XKR5: variants seen among roughly 807,000 people sequenced by gnomAD.
The protein encoded by XKR5 is XK-related protein 5.
XKR5 carries 46 observed loss-of-function variants against 40.8 expected under a neutral mutation model. The ratio of observed to expected loss-of-function variants is 1.13; its 90% CI spans 0.89 to 1.44. XKR5 has a LOEUF of 1.44. Among genes scored for constraint, XKR5 ranks in the 40% most tolerant of loss-of-function variants. XKR5 has a pLI of 0.00. For synonymous variants in XKR5, 466 were observed against 356.1 expected, an observed-to-expected ratio of 1.31 and a Z score of -3.48; for missense variants, 1,169 against 844.7, an observed-to-expected ratio of 1.38 and a Z score of -4.76.
At chr8:6,829,006 G>A (rs547686347) in intron 2 of XKR5, among the ~76,000 whole-genome samples, 8 of 152,244 alleles carry the variant, frequency 5.3e-5, no homozygotes, top group African/African-American at 1.2e-4. Flanking sequence ...TTGCTGTGTC[G>A]GAAACGCCTG....
chr8:6,811,797 C>G lies in XKR5; in HGVS notation c.1462G>C (p.Val488Leu), dbSNP rs1297564544. ...TCCTGCTGATCGCTGGCAAAAGATACGTAACTTGAGGTTTCCAATGGGTCG... is the reference window on the plus strand; with the variant it reads ...TCCTGCTGATCGCTGGCAAAAGATAGGTAACTTGAGGTTTCCAATGGGTCG... The part of the protein sequence containing the change: ...EADPLETSSY[V>L]SFASDQQDEA... Residue 488 changes from valine (V) to leucine (L), a missense_variant, in exon 7 of 7, where the codon GTA becomes CTA. Val to Leu is a conservative substitution (Grantham distance 32, BLOSUM62 1). Coordinates refer to ENST00000618742, the MANE Select transcript of XKR5 (RefSeq NM_207411.5). 1.3e-6 allele frequency: 2 copies of G among 1,537,518 alleles called. No homozygotes were observed. The highest frequency in any genetic ancestry group is 1.4e-5 in the African/African-American group (1 of 73,026).
chr8:6,815,936 G>C lies in XKR5; in HGVS notation c.808-18C>G. On this transcript the variant is annotated intron_variant, in intron 5 of 6. Coordinates refer to ENST00000618742, the MANE Select transcript of XKR5 (RefSeq NM_207411.5). The stretch of plus-strand genomic sequence containing the variant: ...AGCATGACCTGCGGGACCCAGGACA[G>C]AGGCACCACACCTCGTCAGGTGCAC... 1 of 1,568,988 alleles carries C rather than the reference G, an allele frequency of 6.4e-7. No individual in the cohort carries two copies. The highest frequency in any genetic ancestry group is 1.2e-5 in the South Asian group (1 of 86,202).
At chr8:6,816,745 T>G (rs933900856) in intron 5 of XKR5, among the ~76,000 whole-genome samples, 1 of 147,670 alleles carries the variant, frequency 6.8e-6, no homozygotes, top group Admixed American at 6.8e-5. Flanking sequence ...TTTAATATAT[T>G]TAATATATAT....
intron 2 of XKR5, among the ~76,000 whole-genome samples, chr8:6,830,915 C>A (rs1430133054): frequency 6.6e-6 from 1 of 152,152 alleles, no homozygotes; most frequent in Non-Finnish European, 1.5e-5. Context: ...ACCGTGGTCC[C>A]CTGGCAGCCC....
intron 5 of XKR5, 89 bp downstream of exon 5, chr8:6,821,778 GCA>G (rs758667285): frequency 4.8e-3 from 5,266 of 1,103,930 alleles, no homozygotes; most frequent in South Asian, 6.5e-3. Flanking sequence ...GTGCATTGGT[GCA>G]CACACACACA....
intron 6 of XKR5, among the ~76,000 whole-genome samples, chr8:6,814,767 C>A (rs1355959071): frequency 6.6e-6 from 1 of 152,292 alleles, no homozygotes; most frequent in East Asian, 1.9e-4. Flanking sequence ...GAGCTGAAAC[C>A]CAGGGTGGCC....
At position 6,825,678 on chromosome 8, in the gene XKR5, C is replaced by T. The variant is rs374442267; in HGVS notation, c.243-329G>A. ...GCTCTGTGAAGCTCGGCAATCACCC[C>T]GACCTGAGTCCCACCCCGGATCCTC... On this transcript the variant is annotated intron_variant, in intron 2 of 6. Coordinates refer to ENST00000618742, the MANE Select transcript of XKR5 (RefSeq NM_207411.5). 1.7e-4 allele frequency among the ~76,000 whole-genome samples: 26 copies of T among 152,194 alleles called. No homozygotes were observed. In the East Asian group the frequency reaches 2.5e-3, roughly 15 times the overall value.
chr8:6,820,777 G>C lies in XKR5; in HGVS notation c.807+1092C>G, dbSNP rs116003297. Among the ~76,000 whole-genome samples, 284 of 152,270 alleles carry C rather than the reference G, an allele frequency of 1.9e-3. 1 individual carries two copies. Among genetic ancestry groups the C allele is most frequent in the African/African-American group, 6.5e-3 (270 of 41,542 alleles). On this transcript the variant is annotated intron_variant, in intron 5 of 6. Coordinates refer to ENST00000618742, the MANE Select transcript of XKR5 (RefSeq NM_207411.5). ...CCTGTGAGCTCTGCCTGGCTCTATAGCCTGTGGGGTCACTGTGCTATATGG... is the reference window on the plus strand; with the variant it reads ...CCTGTGAGCTCTGCCTGGCTCTATACCCTGTGGGGTCACTGTGCTATATGG...
At chr8:6,814,370 G>A (rs938625742) in intron 6 of XKR5, among the ~76,000 whole-genome samples, 3 of 152,168 alleles carry the variant, frequency 2.0e-5, no homozygotes, top group East Asian at 1.9e-4. Flanking sequence ...GAACAAGACC[G>A]ATCCCCAGGG....
chr8:6,814,996 C>T (rs1353245468), intron 6 of XKR5, among the ~76,000 whole-genome samples: 1 of 152,204 alleles, frequency 6.6e-6, no homozygotes, highest in East Asian at 1.9e-4. Flanking sequence ...AGAGAGCAGG[C>T]TCTGGAGGGA....
chr8:6,814,757 G>A (rs776549701), intron 6 of XKR5, among the ~76,000 whole-genome samples: 5 of 152,196 alleles, frequency 3.3e-5, no homozygotes, highest in Non-Finnish European at 5.9e-5. Context: ...AAGAAGAACA[G>A]AGCTGAAACC....
Position 6,825,367 on chromosome 8 carries a change from G to A in XKR5, c.243-18C>T, listed in dbSNP as rs1804417225. On this transcript the variant is annotated intron_variant, in intron 2 of 6. Transcript: ENST00000618742. ...CCCAGTGCCTAGGGAACAGCAGAGG[G>A]CACGTGACACGGAGCCAGGCTGTGG... 1 of 1,512,538 alleles carries A rather than the reference G, an allele frequency of 6.6e-7. No homozygotes were observed. Among genetic ancestry groups the A allele is most frequent in the Non-Finnish European group, 8.8e-7 (1 of 1,135,310 alleles). 93.7% of individuals were successfully genotyped at this position (1,512,538 alleles called of 1,614,324 possible).
At chr8:6,817,714 G>C (rs867857609) in intron 5 of XKR5, among the ~76,000 whole-genome samples, 1 of 152,336 alleles carries the variant, frequency 6.6e-6, no homozygotes, top group Middle Eastern at 3.4e-3. Context: ...AAAGCTTGCA[G>C]TTGCAAATCA....
At position 6,811,526 on chromosome 8, in the gene XKR5, G is replaced by A; in HGVS notation, c.1733C>T (p.Ala578Val). Residue 578 changes from alanine to valine, a missense_variant, in exon 7 of 7, where the codon GCC becomes GTC. Transcript: ENST00000618742. ...SGRRLGKSSP[A>V]QPASPHPVGL... ...CACTGGGTGGGGCGATGCAGGCTGG[G>A]CAGGGCTGCTCTTTCCCAGCCTCCT... 2 of 1,533,124 alleles carry A rather than the reference G, an allele frequency of 1.3e-6. No homozygotes were observed. Among genetic ancestry groups the A allele is most frequent in the Non-Finnish European group, 1.7e-6 (2 of 1,144,592 alleles). The allele number at this position is 1,533,124 out of a possible 1,614,324, so 95.0% of individuals were successfully genotyped here. A position where few individuals can be genotyped will look rare whatever the true frequency, so the allele number is the denominator to read the frequency against.
In XKR5 at chr8:6,832,769, C is replaced by T. The variant is rs2117123462; in HGVS notation, c.190G>A (p.Gly64Arg). ...TGCAGCATCATCAAGGAGCAATGCC[C>T]TGGATGCCCGTCTGCTCGGAACCAC... ...YLWFRADGHP[G>R]HCSLMMLHLL... The change falls in exon 2 of 7, where the codon GGG (glycine) becomes AGG (arginine). Residue 64 changes from glycine (G) to arginine (R), a missense_variant. By Grantham distance (125) the Gly-to-Arg change is moderately radical. Transcript: ENST00000618742. 6.2e-7 allele frequency: 1 copy of T among 1,613,464 alleles called. No homozygotes were observed. The highest frequency in any genetic ancestry group is 1.1e-5 in the South Asian group (1 of 90,882).
chr8:6,818,426 A>G (rs1804066224), intron 5 of XKR5, among the ~76,000 whole-genome samples: 1 of 152,228 alleles, frequency 6.6e-6, no homozygotes, highest in Admixed American at 6.5e-5. Context: ...TCTTTGTGGC[A>G]CTGAGACATG....
chr8:6,834,194 C>T lies in XKR5; in HGVS notation c.58+1242G>A, dbSNP rs1281022700. Among the ~76,000 whole-genome samples the T allele has an allele frequency of 2.0e-5, 3 of 152,212 alleles. No individual in the cohort carries two copies. The East Asian group carries it at 5.8e-4, about 29-fold the overall frequency. ...CGCTGGTAGAGGCACCGCACACAGG[C>T]ATCGTTTCACACAACTGTTACTTAG... On this transcript the variant is annotated intron_variant, in intron 1 of 6. Coordinates refer to ENST00000618742, the MANE Select transcript of XKR5 (RefSeq NM_207411.5).
In XKR5 at chr8:6,811,592, T is replaced by C. The variant is rs1229321868; in HGVS notation, c.1667A>G (p.Gln556Arg). 6.5e-7 allele frequency: 1 copy of C among 1,537,326 alleles called. No homozygotes were observed. Among genetic ancestry groups the C allele is most frequent in the East Asian group, 2.4e-5 (1 of 40,904 alleles). Reference protein sequence around the residue: ...ATAEVATSSQQEGSPATLQTA... With the variant: ...ATAEVATSSQREGSPATLQTA... ...TTGCAGAGTAGCTGGGCTGCCTTCT[T>C]GTTGTGAGGATGTGGCCACTTCTGC... Residue 556 changes from glutamine to arginine, a missense_variant, in exon 7 of 7, where the codon CAA becomes CGA. Transcript: ENST00000618742.
chr8:6,825,195 G>A lies in XKR5; in HGVS notation c.397C>T (p.Leu133=), dbSNP rs762624983. The part of the protein sequence containing the change: ...PHLLLQTYVF[L]ASDFTDIVPG... ...ACAATATCTGTGAAGTCTGAGGCTA[G>A]AAAAACATATGTCTGAAGCAGCAGG... is the stretch of plus-strand genomic sequence containing the variant. The change falls in exon 3 of 7, where the codon CTA becomes TTA. Residue 133 remains leucine (L), a synonymous_variant. Transcript: ENST00000618742. The A allele has an allele frequency of 6.2e-7, 1 of 1,613,612 alleles. No individual in the cohort carries two copies.
Sources: allele counts gnomAD v4.1 joint callset (sites outside exome capture counted in the v4.1 genomes callset), GRCh38; gene constraint gnomAD v4.1.1; transcripts MANE v1.5; gene names NCBI Gene and HGNC (gene_info 2026-07-23, HGNC 2026-07-21).